DEFB131B: variants seen among roughly 807,000 people sequenced by gnomAD.
DEFB131B encodes beta-defensin 131B.
Under a neutral mutation model 2.1 loss-of-function variants are expected in DEFB131B, and 2 were observed. That is an observed-to-expected ratio of 0.94 (90% CI 0.38 to 2.95). The LOEUF is 2.95. Among genes scored for constraint, DEFB131B ranks in the 30% most tolerant of loss-of-function variants. The probability of loss-of-function intolerance (pLI) is 0.09; values close to 1 mark genes in which losing one functional copy is unlikely to be tolerated. For synonymous variants in DEFB131B, 26 were observed against 25.8 expected, an observed-to-expected ratio of 1.01 and a Z score of -0.03; for missense variants, 77 against 78.5, an observed-to-expected ratio of 0.98 and a Z score of 0.07.
At chr11:71,880,166 T>C (rs1446684277) in intron 1 of DEFB131B, among the ~76,000 whole-genome samples, 1 of 152,202 alleles carries the variant, frequency 6.6e-6, no homozygotes, top group Non-Finnish European at 1.5e-5. Context: ...AGTCAATTGA[T>C]AATCTAAATC....
intron 1 of DEFB131B, among the ~76,000 whole-genome samples, chr11:71,882,096 A>G (rs1179892251): frequency 1.3e-5 from 2 of 152,162 alleles, no homozygotes; most frequent in Non-Finnish European, 2.9e-5. Flanking sequence ...AGAAAATCTT[A>G]AAAGAAGCCA....
chr11:71,883,471 C>T (rs1040173785), intron 1 of DEFB131B, among the ~76,000 whole-genome samples: 9 of 152,068 alleles, frequency 5.9e-5, no homozygotes, highest in South Asian at 2.1e-4. Flanking sequence ...AACAAACATG[C>T]GAAGAATATA....
intron 1 of DEFB131B, among the ~76,000 whole-genome samples, chr11:71,878,724 G>A (rs1238945158): frequency 2.0e-5 from 3 of 152,088 alleles, no homozygotes; most frequent in Non-Finnish European, 4.4e-5. Context: ...GCCAGGCACA[G>A]TGGCTCATGT....
rs765739110 is a variant in DEFB131B at position 71,884,477 on chromosome 11, T to C, written c.129T>C (p.Asp43=). ...YYHCRLKCNA[D]EHAIRYCADF... ...ATTGCAGACTGAAGTGCAATGCTGA[T>C]GAACATGCAATTAGATACTGTGCTG... Residue 43 remains aspartate, a synonymous_variant, in exon 2 of 2, where the codon GAT becomes GAC. Transcript: ENST00000530210. 1 of 1,610,486 alleles carries C rather than the reference T, an allele frequency of 6.2e-7. No individual in the cohort carries two copies. The highest frequency in any genetic ancestry group is 1.1e-5 in the South Asian group (1 of 90,754).
intron 1 of DEFB131B, among the ~76,000 whole-genome samples, chr11:71,879,417 C>CATT (rs1952546132): frequency 6.6e-6 from 1 of 152,144 alleles, no homozygotes; most frequent in South Asian, 2.1e-4. Context: ...ATAATAAAAA[C>CATT]ATATTAAACT....
intron 1 of DEFB131B, 29 bp from the exon 2 acceptor site, chr11:71,884,378 G>A: frequency 1.3e-6 from 2 of 1,550,004 alleles, no homozygotes; most frequent in Non-Finnish European, 1.7e-6. Flanking sequence ...GTAATATTGT[G>A]TCATATAATT....
intron 1 of DEFB131B, among the ~76,000 whole-genome samples, chr11:71,882,225 AAG>A (rs1952570142): frequency 6.6e-6 from 1 of 151,482 alleles, no homozygotes; most frequent in Admixed American, 6.5e-5. Context: ...AAAAAAAAAA[AAG>A]AACACTATCT....
chr11:71,883,514 G>A (rs1952590254), intron 1 of DEFB131B, among the ~76,000 whole-genome samples: 1 of 152,200 alleles, frequency 6.6e-6, no homozygotes, highest in African/African-American at 2.4e-5. Flanking sequence ...TCAATACGTG[G>A]TACTAAGAAA....
At chr11:71,879,350 T>C (rs1272335420) in intron 1 of DEFB131B, among the ~76,000 whole-genome samples, 1 of 152,180 alleles carries the variant, frequency 6.6e-6, no homozygotes. Flanking sequence ...TATAAGCATA[T>C]TTATTAAATA....
At chr11:71,880,611 T>C (rs1404194406) in intron 1 of DEFB131B, among the ~76,000 whole-genome samples, 1 of 152,196 alleles carries the variant, frequency 6.6e-6, no homozygotes, top group Non-Finnish European at 1.5e-5. Flanking sequence ...TAGTAGCTTG[T>C]TTATAATCTT....
intron 1 of DEFB131B, among the ~76,000 whole-genome samples, chr11:71,880,938 C>G (rs541791336): frequency 1.2e-4 from 19 of 152,164 alleles, no homozygotes; most frequent in Non-Finnish European, 2.1e-4. Flanking sequence ...AACATATGGT[C>G]TAGCCTGGAG....
intron 1 of DEFB131B, among the ~76,000 whole-genome samples, chr11:71,880,134 T>A (rs1454910232): frequency 6.6e-6 from 1 of 152,212 alleles, no homozygotes; most frequent in African/African-American, 2.4e-5. Flanking sequence ...TGAGGTAACA[T>A]GTGCCTCAGA....
At position 71,884,539 on chromosome 11, in the gene DEFB131B, T is replaced by G. The variant is rs1489204609; in HGVS notation, c.191T>G (p.Ile64Ser). 1 of 1,607,060 alleles carries G rather than the reference T, an allele frequency of 6.2e-7. No individual in the cohort carries two copies. The highest frequency in any genetic ancestry group is 1.1e-5 in the South Asian group (1 of 90,148). The part of the protein sequence containing the change: ...SICCKLKIIQ[I>S]DGQKKW ...TGCTGCAAACTGAAGATCATTCAAA[T>G]TGATGGACAAAAGAAGTGGTGAAAA... Residue 64 changes from isoleucine (I) to serine (S), a missense_variant, in exon 2 of 2, where the codon ATT becomes AGT. Coordinates refer to ENST00000530210, the MANE Select transcript of DEFB131B (RefSeq NM_001242853.1).
intron 1 of DEFB131B, among the ~76,000 whole-genome samples, chr11:71,879,043 T>C (rs1192614861): frequency 6.6e-6 from 1 of 152,008 alleles, no homozygotes; most frequent in Non-Finnish European, 1.5e-5. Flanking sequence ...GAGAGTTGTG[T>C]TTGATCAAAA....
At chr11:71,882,529 C>A (rs1952575995) in intron 1 of DEFB131B, among the ~76,000 whole-genome samples, 1 of 152,186 alleles carries the variant, frequency 6.6e-6, no homozygotes, top group Non-Finnish European at 1.5e-5. Flanking sequence ...CCATGCCCAG[C>A]CTACCCTCTA....
At position 71,884,177 on chromosome 11, in the gene DEFB131B, A is replaced by G. The variant is rs367612907; in HGVS notation, c.59-230A>G. On this transcript the variant is annotated intron_variant, in intron 1 of 1. Coordinates refer to ENST00000530210, the MANE Select transcript of DEFB131B (RefSeq NM_001242853.1). ...AAATATGTGGTAATAGTTCTCATTTAAAATTCTGTACATTTCCAACTACTG... is the reference window on the plus strand; with the variant it reads ...AAATATGTGGTAATAGTTCTCATTTGAAATTCTGTACATTTCCAACTACTG... The G allele has an allele frequency of 2.3e-4, 88 of 384,018 alleles. 1 individual carries two copies. The East Asian group carries it at 3.1e-3, about 14-fold the overall frequency. 23.8% of individuals were successfully genotyped at this position (384,018 alleles called of 1,614,324 possible).
chr11:71,884,525 G>A lies in DEFB131B; in HGVS notation c.177G>A (p.Leu59=). 7 of 1,608,888 alleles carry A rather than the reference G, an allele frequency of 4.4e-6. No individual in the cohort carries two copies. The highest frequency in any genetic ancestry group is 5.1e-6 in the Non-Finnish European group (6 of 1,178,052). Residue 59 remains leucine (L), a synonymous_variant, in exon 2 of 2, where the codon CTG becomes CTA. Transcript: ENST00000530210. ...YCADFSICCK[L]KIIQIDGQKK... ...CTGACTTCAGCATCTGCTGCAAACT[G>A]AAGATCATTCAAATTGATGGACAAA...
chr11:71,882,213 T>TAAA (rs59043498), intron 1 of DEFB131B, among the ~76,000 whole-genome samples: 14 of 143,704 alleles, frequency 9.7e-5, no homozygotes, highest in African/African-American at 3.3e-4. Context: ...TTTAAAATGT[T>TAAA]AAAAAAAAAA....
intron 1 of DEFB131B, 41 bp from the exon 2 acceptor site, chr11:71,884,366 A>C (rs1952601223): frequency 1.3e-6 from 2 of 1,501,318 alleles, no homozygotes; most frequent in Non-Finnish European, 8.9e-7. Context: ...CATAAAAAGT[A>C]AGTAATATTG....
Sources: allele counts gnomAD v4.1 joint callset (sites outside exome capture counted in the v4.1 genomes callset), GRCh38; gene constraint gnomAD v4.1.1; transcripts MANE v1.5; gene names NCBI Gene and HGNC (gene_info 2026-07-23, HGNC 2026-07-21).